The following FGF12 variants were observed in gnomAD, a reference collection of about 807,000 sequenced individuals.
FGF12 encodes the protein fibroblast growth factor 12B.
Under a neutral mutation model 23.6 loss-of-function variants are expected in FGF12, and 14 were observed. That is an observed-to-expected ratio of 0.59 (90% CI 0.39 to 0.93). The LOEUF (loss-of-function observed/expected upper bound fraction) is 0.93, where lower values mean the gene tolerates loss of function less well. FGF12 is among the 40% of genes least tolerant of loss of function. The probability of loss-of-function intolerance (pLI) is 0.00; values close to 1 mark genes in which losing one functional copy is unlikely to be tolerated. For synonymous variants in FGF12, 62 were observed against 77.3 expected (o/e 0.80, Z 1.04); for missense variants, 175 against 217.8 (o/e 0.80, Z 1.24).
At chr3:192,525,198 C>G (rs1240781821) in intron 2 of FGF12, among the ~76,000 whole-genome samples, 6 of 152,174 alleles carry the variant, frequency 3.9e-5, no homozygotes, top group African/African-American at 1.2e-4. Flanking sequence ...ACTCCTGGAT[C>G]TGTGTCTGCT....
At position 192,281,777 on chromosome 3, in the gene FGF12, C is replaced by T. The variant is rs116328132; in HGVS notation, c.228+53584G>A. Among the ~76,000 whole-genome samples, 830 of 151,336 alleles carry T rather than the reference C, an allele frequency of 5.5e-3. 6 individuals are homozygous for T. The highest frequency in any genetic ancestry group is 0.011 in the Middle Eastern group (3 of 284). On this transcript the variant is annotated intron_variant, in intron 4 of 5. Transcript: ENST00000445105. Reference sequence around the variant, plus strand: ...TTACCTAAAACATAACAAATATGTGCCTCAGCCCTCCCAAAGCTGTTCCCT... The same window carrying T: ...TTACCTAAAACATAACAAATATGTGTCTCAGCCCTCCCAAAGCTGTTCCCT...
intron 4 of FGF12, among the ~76,000 whole-genome samples, chr3:192,191,910 G>A (rs1328603192): frequency 2.0e-5 from 3 of 151,660 alleles, no homozygotes; most frequent in Non-Finnish European, 4.4e-5. Flanking sequence ...AAGATACACA[G>A]AGTAGGGGAA....
chr3:192,710,563 T>C (rs1428528232), intron 2 of FGF12, among the ~76,000 whole-genome samples: 1 of 152,210 alleles, frequency 6.6e-6, no homozygotes, highest in East Asian at 1.9e-4. Flanking sequence ...CTAACTTGGA[T>C]TGCACAATCT....
intron 2 of FGF12, among the ~76,000 whole-genome samples, chr3:192,576,757 T>G (rs901476683): frequency 2.0e-5 from 3 of 152,078 alleles, no homozygotes; most frequent in Non-Finnish European, 4.4e-5. Flanking sequence ...AAATAAATCA[T>G]CATGTTTATT....
Position 192,182,077 on chromosome 3 carries a change from A to G in FGF12, c.229-11421T>C, listed in dbSNP as rs75776217. Among the ~76,000 whole-genome samples, 506 of 152,290 alleles carry G rather than the reference A, an allele frequency of 3.3e-3. 8 individuals carry two copies. Among genetic ancestry groups the G allele is most frequent in the East Asian group, 0.031 (163 of 5,186 alleles). ...TGAAAGGAACCATATTTGAGGGAAA[A>G]TATTACTGGATATAATTAATTATAG... is the stretch of plus-strand genomic sequence containing the variant. On this transcript the variant is annotated intron_variant, in intron 4 of 5. Transcript: ENST00000445105.
intron 2 of FGF12, among the ~76,000 whole-genome samples, chr3:192,632,298 T>C (rs963130011): frequency 2.0e-5 from 3 of 152,264 alleles, no homozygotes; most frequent in African/African-American, 4.8e-5. Context: ...TATTAAACCA[T>C]AGCATAGCAA....
At chr3:192,314,150 C>T (rs1716105382) in intron 4 of FGF12, among the ~76,000 whole-genome samples, 1 of 152,108 alleles carries the variant, frequency 6.6e-6, no homozygotes, top group South Asian at 2.1e-4. Context: ...GGCTCACCAG[C>T]CTCCAGAACT....
intron 2 of FGF12, among the ~76,000 whole-genome samples, chr3:192,434,955 T>C (rs1297276450): frequency 1.3e-5 from 2 of 152,172 alleles, no homozygotes; most frequent in East Asian, 3.9e-4. Flanking sequence ...GGTGCTGTCT[T>C]AGCCATTGAA....
intron 4 of FGF12, among the ~76,000 whole-genome samples, chr3:192,299,330 G>T (rs996693108): frequency 6.6e-6 from 1 of 152,128 alleles, no homozygotes; most frequent in African/African-American, 2.4e-5. Flanking sequence ...GATTTGTGTT[G>T]CTGAGAAATT....
chr3:192,170,334 C>T (rs2046917), intron 5 of FGF12, 124 bp downstream of exon 5: 1 of 689,430 alleles, frequency 1.5e-6, no homozygotes, highest in Non-Finnish European at 2.5e-6. Flanking sequence ...CTGAATATTT[C>T]TTTTGAATCT....
chr3:192,584,193 G>C (rs1713275913), intron 2 of FGF12, among the ~76,000 whole-genome samples: 1 of 152,134 alleles, frequency 6.6e-6, no homozygotes, highest in South Asian at 2.1e-4. Flanking sequence ...CTGTTTCTTT[G>C]ATACCTTTGT....
chr3:192,156,200 A>G (rs1368173384), intron 5 of FGF12, among the ~76,000 whole-genome samples: 1 of 152,168 alleles, frequency 6.6e-6, no homozygotes. Flanking sequence ...AAATAACATG[A>G]AAACAAAACA....
At chr3:192,269,842 T>C (rs1401212497) in intron 4 of FGF12, among the ~76,000 whole-genome samples, 2 of 151,988 alleles carry the variant, frequency 1.3e-5, no homozygotes, top group Non-Finnish European at 2.9e-5. Flanking sequence ...CATACAGCTC[T>C]TTTTTTTCTC....
chr3:192,722,165 G>A (rs1161277344), intron 2 of FGF12, among the ~76,000 whole-genome samples: 1 of 152,280 alleles, frequency 6.6e-6, no homozygotes, highest in East Asian at 1.9e-4. Context: ...GAGACCCAAA[G>A]AGGAAAAGAT....
intron 2 of FGF12, among the ~76,000 whole-genome samples, chr3:192,479,616 G>A (rs1723423614): frequency 1.3e-5 from 2 of 152,056 alleles, no homozygotes; most frequent in Admixed American, 6.6e-5. Context: ...AGTAAGGTGG[G>A]GGAGAAAAAT....
intron 2 of FGF12, among the ~76,000 whole-genome samples, chr3:192,387,093 A>G (rs1370347376): frequency 6.6e-6 from 1 of 152,220 alleles, no homozygotes; most frequent in Non-Finnish European, 1.5e-5. Context: ...ATATAGAGAA[A>G]TAACCATGGT....
At chr3:192,264,089 T>C (rs2108620391) in intron 4 of FGF12, among the ~76,000 whole-genome samples, 1 of 152,138 alleles carries the variant, frequency 6.6e-6, no homozygotes, top group East Asian at 1.9e-4. Context: ...AATGAATCAA[T>C]CCTCCCATCA....
chr3:192,712,898 C>A (rs1416756812), intron 2 of FGF12, among the ~76,000 whole-genome samples: 1 of 152,008 alleles, frequency 6.6e-6, no homozygotes, highest in East Asian at 1.9e-4. Flanking sequence ...AAAAAGGGTG[C>A]ACATAGCACC....
At chr3:192,241,000 T>G (rs1007444546) in intron 4 of FGF12, among the ~76,000 whole-genome samples, 1 of 152,166 alleles carries the variant, frequency 6.6e-6, no homozygotes, top group Admixed American at 6.5e-5. Flanking sequence ...AATTCTAGAA[T>G]ACAGTGAATC....
Sources: gnomAD v4.1 joint callset for allele counts (sites outside exome capture counted in the v4.1 genomes callset) on GRCh38, gnomAD v4.1.1 for gene constraint, MANE v1.5 for transcripts, NCBI Gene and HGNC (gene_info 2026-07-23, HGNC 2026-07-21) for gene names.